Variants in RGS12 observed in about 807,000 individuals in gnomAD.
RGS12 encodes the protein regulator of G-protein signaling 12.
A neutral mutation model predicts 120.1 loss-of-function variants in RGS12; 66 were observed. The observed-to-expected ratio is 0.55, with a 90% CI of 0.45 to 0.67. The LOEUF is 0.67. Among genes scored for constraint, RGS12 ranks in the 30% least tolerant of loss-of-function variants. The probability of loss-of-function intolerance (pLI) is 0.00; values close to 1 mark genes in which losing one functional copy is unlikely to be tolerated. For synonymous variants in RGS12, 827 were observed against 804.7 expected, an observed-to-expected ratio of 1.03 and a Z score of -0.47; for missense variants, 1,859 against 1,957.7, an observed-to-expected ratio of 0.95 and a Z score of 0.95.
intron 4 of RGS12, among the ~76,000 whole-genome samples, chr4:3,398,690 G>T (rs1004007295): frequency 6.6e-6 from 1 of 151,886 alleles, no homozygotes; most frequent in Non-Finnish European, 1.5e-5. Context: ...TAAGTACTCC[G>T]AGGGGGAATT....
At position 3,366,756 on chromosome 4, in the gene RGS12, G is replaced by A. The variant is rs1323836165; in HGVS notation, c.1999-19660G>A. Reference sequence around the variant, plus strand: ...TGTCCTCTAGCAGAGACTGGTGTGGGTGGGCGCAGGAACTGGTGAGAGAGG... The same window carrying A: ...TGTCCTCTAGCAGAGACTGGTGTGGATGGGCGCAGGAACTGGTGAGAGAGG... On this transcript the variant is annotated intron_variant, in intron 3 of 17. Transcript: ENST00000336727. This position sits in a 1 kb window ranked among gnomAD's most constrained non-coding sequence, Gnocchi z 4.0. Among the ~76,000 whole-genome samples the A allele has an allele frequency of 6.6e-6, 1 of 152,200 alleles. No individual in the cohort carries two copies. Among genetic ancestry groups the A allele is most frequent in the Non-Finnish European group, 1.5e-5 (1 of 68,022 alleles).
chr4:3,312,784 C>T (rs878986099), intron 1 of RGS12: 9 of 213,534 alleles, frequency 4.2e-5, no homozygotes, highest in East Asian at 1.2e-4. Flanking sequence ...AATATTCTGC[C>T]GAAATCAGAG....
At chr4:3,356,047 T>A (rs1476630993) in intron 3 of RGS12, among the ~76,000 whole-genome samples, 3 of 137,112 alleles carry the variant, frequency 2.2e-5, no homozygotes, top group Non-Finnish European at 3.0e-5. Flanking sequence ...ATTATCTTTT[T>A]CAATTTTTTT....
chr4:3,326,494 GC>G, intron 2 of RGS12, among the ~76,000 whole-genome samples: 1 of 152,312 alleles, frequency 6.6e-6, no homozygotes, highest in Non-Finnish European at 1.5e-5. Context: ...CAATCTGCCT[GC>G]CTCGGCTATC....
chr4:3,407,753 T>G (rs1721312173), intron 4 of RGS12, among the ~76,000 whole-genome samples: 1 of 152,174 alleles, frequency 6.6e-6, no homozygotes, highest in Non-Finnish European at 1.5e-5. Context: ...AGAGTCAGAG[T>G]GTTTGAGGTT....
chr4:3,422,368 C>T lies in RGS12; in HGVS notation c.2839-8C>T. 3 of 1,607,564 alleles carry T rather than the reference C, an allele frequency of 1.9e-6. No homozygotes were observed. Among genetic ancestry groups the T allele is most frequent in the East Asian group, 2.2e-5 (1 of 44,692 alleles). On this transcript the variant is annotated splice_region_variant and splice_polypyrimidine_tract_variant and intron_variant, in intron 10 of 17. Coordinates refer to ENST00000336727, the MANE Select transcript of RGS12 (RefSeq NM_001394154.1). ...TCCCTCACGGCTGCTTGTCTCGCTG[C>T]TCCCCAGTCGGAGGCCTGCAGGACT... is the stretch of plus-strand genomic sequence containing the variant.
At chr4:3,425,856 G>T (rs1229194396) in intron 14 of RGS12, among the ~76,000 whole-genome samples, 1 of 22,258 alleles carries the variant, frequency 4.5e-5, no homozygotes, top group Non-Finnish European at 9.6e-5. Flanking sequence ...GTGCAGGGGA[G>T]GGGGCTGTGG....
chr4:3,420,770 C>T (rs1344233911), intron 10 of RGS12, 52 bp downstream of exon 10: 1 of 1,421,196 alleles, frequency 7.0e-7, no homozygotes, highest in Admixed American at 1.8e-5. Context: ...TCCCCACCAG[C>T]TGACTGATGA....
upstream of RGS12, among the ~76,000 whole-genome samples, chr4:3,289,203 A>AT (rs1310550385): frequency 2.6e-5 from 4 of 151,624 alleles, no homozygotes; most frequent in Non-Finnish European, 4.4e-5. Context: ...CAACTTAACC[A>AT]TCACAATTTT....
At chr4:3,305,895 C>T (rs78766980) in intron 1 of RGS12, among the ~76,000 whole-genome samples, 1 of 152,242 alleles carries the variant, frequency 6.6e-6, no homozygotes, top group Non-Finnish European at 1.5e-5. Flanking sequence ...AGCCTGCTTC[C>T]TGCTGATAGG....
At chr4:3,408,918 G>C (rs56192584) in intron 4 of RGS12, among the ~76,000 whole-genome samples, 1 of 152,134 alleles carries the variant, frequency 6.6e-6, no homozygotes, top group Admixed American at 6.5e-5. Context: ...TGTGTGAAGG[G>C]GGCGTGGCTC....
At chr4:3,420,516 TGGGGGATGGGTGGG>T in intron 9 of RGS12, 112 bp from the exon 10 acceptor site, 1 of 680,362 alleles carries the variant, frequency 1.5e-6, no homozygotes, top group South Asian at 1.6e-5. Flanking sequence ...TGATGCCTGG[TGGGGGATGGGTGGG>T]GGGGGCTTCC....
intron 2 of RGS12, chr4:3,324,108 A>G (rs1725396800): frequency 6.6e-6 from 1 of 152,508 alleles, no homozygotes; most frequent in Non-Finnish European, 1.5e-5. Flanking sequence ...GTGGGTCTTG[A>G]TAGCTTCCAC....
rs1325415795 is a variant in RGS12 at position 3,389,041 on chromosome 4, C to T, written c.2020+2604C>T. On this transcript the variant is annotated intron_variant, in intron 4 of 17. Coordinates refer to ENST00000336727, the MANE Select transcript of RGS12 (RefSeq NM_001394154.1). This position sits in a 1 kb window ranked among gnomAD's most constrained non-coding sequence, Gnocchi z 5.2. ...AATATTTTGTGTTCAACGAGCCGTG[C>T]CAGTGAGAGAGTTCGTGTTCATGCC... 6.6e-6 allele frequency among the ~76,000 whole-genome samples: 1 copy of T among 152,164 alleles called. No homozygotes were observed. The highest frequency in any genetic ancestry group is 2.4e-5 in the African/African-American group (1 of 41,432).
At chr4:3,419,992 C>T (rs1722830494) in intron 9 of RGS12, among the ~76,000 whole-genome samples, 1 of 152,206 alleles carries the variant, frequency 6.6e-6, no homozygotes, top group Non-Finnish European at 1.5e-5. Flanking sequence ...CCTCAGGCCC[C>T]AGAGCCCATG....
chr4:3,301,518 C>T (rs1327624573), intron 1 of RGS12, among the ~76,000 whole-genome samples: 2 of 152,100 alleles, frequency 1.3e-5, no homozygotes, highest in Admixed American at 1.3e-4. Context: ...AAATTGGTTT[C>T]AGTCTTTCTG....
intron 3 of RGS12, among the ~76,000 whole-genome samples, chr4:3,362,189 G>T (rs527630933): frequency 2.0e-5 from 3 of 152,068 alleles, no homozygotes; most frequent in African/African-American, 7.2e-5. Context: ...GCTGGGGACC[G>T]AGGTGGGGGA....
intron 1 of RGS12, among the ~76,000 whole-genome samples, chr4:3,311,114 ATGT>A (rs377360951): frequency 6.6e-6 from 1 of 151,072 alleles, no homozygotes; most frequent in South Asian, 2.1e-4. Context: ...GTGATTGCTG[ATGT>A]TGTGCTGTTC....
chr4:3,312,353 C>T (rs1240237700), intron 1 of RGS12, among the ~76,000 whole-genome samples: 1 of 152,224 alleles, frequency 6.6e-6, no homozygotes, highest in South Asian at 2.1e-4. Context: ...AGTGAGACCT[C>T]GTCTACAGAA....
Sources: gnomAD v4.1 joint callset for allele counts (sites outside exome capture counted in the v4.1 genomes callset) on GRCh38, gnomAD v4.1.1 for gene constraint, Gnocchi (gnomAD v3.1) non-coding constraint, MANE v1.5 for transcripts, NCBI Gene and HGNC (gene_info 2026-07-23, HGNC 2026-07-21) for gene names.